Variants in PKD1 observed in about 807,000 individuals in gnomAD.
PKD1 encodes polycystin 1, transient receptor potential channel interacting, also known as polycystin-1.
In PKD1, 81 loss-of-function variants were observed where a neutral mutation model predicts 361.7. That is an observed-to-expected ratio of 0.22 (90% CI 0.19 to 0.27). The LOEUF (loss-of-function observed/expected upper bound fraction) is 0.27. Among genes scored for constraint, PKD1 ranks in the 10% least tolerant of loss-of-function variants. The pLI is 1.00. For synonymous variants in PKD1, 3,615 were observed against 2,818.3 expected (o/e 1.28, Z -8.95); for missense variants, 6,399 against 6,118.3 (o/e 1.05, Z -1.53).
intron 26 of PKD1, among the ~76,000 whole-genome samples, chr16:2,101,658 G>A (rs1365550475): frequency 2.0e-5 from 3 of 152,242 alleles, no homozygotes; most frequent in Admixed American, 6.5e-5. Context: ...ATGCCAGAAG[G>A]GCAATTCCAA....
At position 2,092,161 on chromosome 16, in the gene PKD1, C is replaced by T. The variant is rs867438353; in HGVS notation, c.11297G>A (p.Arg3766Lys). 1 of 1,610,898 alleles carries T rather than the reference C, an allele frequency of 6.2e-7. No homozygotes were observed. Among genetic ancestry groups the T allele is most frequent in the African/African-American group, 1.3e-5 (1 of 74,942 alleles). Residue 3766 changes from arginine (R) to lysine (K), a missense_variant, in exon 40 of 46, where the codon AGG (arginine) becomes AAG (lysine). By Grantham distance (26) the Arg-to-Lys change is conservative. Coordinates refer to ENST00000262304, the MANE Select transcript of PKD1 (RefSeq NM_001009944.3). ...EALYPDPPGP[R>K]VHTCSAAGGF... ...TCCTGCGGCCGAGCACGTGTGGACC[C>T]TGGGGCCGGGAGGGTCTGGGTAGAG...
Position 2,106,394 on chromosome 16 carries a change from T to G in PKD1, c.7489+4A>C. ...CTGCTCCCCCCACGCAGGCCTGCAC[T>G]CACCCGTGCATTCGAAGTGCACCTT... On this transcript the variant is annotated splice_donor_region_variant and intron_variant, in intron 18 of 45. Coordinates refer to ENST00000262304, the MANE Select transcript of PKD1 (RefSeq NM_001009944.3). This position sits in a 1 kb window ranked among gnomAD's most constrained non-coding sequence, Gnocchi z 6.5. The G allele has an allele frequency of 6.3e-7, 1 of 1,591,018 alleles. No individual in the cohort carries two copies.
chr16:2,089,761 C>G lies in PKD1; in HGVS notation c.12878G>C (p.Arg4293Pro), dbSNP rs781282665. Residue 4293 changes from arginine to proline, a missense_variant, in exon 46 of 46, where the codon CGG (arginine) becomes CCG (proline). Coordinates refer to ENST00000262304, the MANE Select transcript of PKD1 (RefSeq NM_001009944.3). ...GCTGGGGTGGACCTTGTTCTTGGCC[C>G]GAAGGGGTGTCCTGCTGGGGCCAGT... is the stretch of plus-strand genomic sequence containing the variant. ...LATGPSRTPLRAKNKVHPSST is the reference protein window; with the variant it reads ...LATGPSRTPLPAKNKVHPSST The G allele has an allele frequency of 2.5e-6, 4 of 1,593,418 alleles. No homozygotes were observed. Among genetic ancestry groups the G allele is most frequent in the Non-Finnish European group, 1.7e-6 (2 of 1,171,704 alleles).
chr16:2,091,403 C>G lies in PKD1; in HGVS notation c.11712+20G>C. Reference sequence around the variant, plus strand: ...ACGCTGCCGGTGGGAGGCGCGGGGTCTGGCCGGGGACGGGCGTACCGAGGT... The same window carrying G: ...ACGCTGCCGGTGGGAGGCGCGGGGTGTGGCCGGGGACGGGCGTACCGAGGT... On this transcript the variant is annotated intron_variant, in intron 42 of 45. Transcript: ENST00000262304. 2 of 1,116,330 alleles carry G rather than the reference C, an allele frequency of 1.8e-6. No homozygotes were observed. Among genetic ancestry groups the G allele is most frequent in the Non-Finnish European group, 2.2e-6 (2 of 913,938 alleles). 69.2% of individuals were successfully genotyped at this position (1,116,330 alleles called of 1,614,324 possible).
In PKD1 at chr16:2,090,974, C is replaced by G. The variant is rs1342973547; in HGVS notation, c.11913G>C (p.Pro3971=). 3 of 1,538,326 alleles carry G rather than the reference C, an allele frequency of 2.0e-6. No individual in the cohort carries two copies. ...RQWTRFVRGR[P]RRFTSFDQVA... is the part of the protein sequence containing the mutation. ...CCTGGTCGAAGCTAGTGAAGCGGCG[C>G]GGGCGGCCGCGCACGAAACGGGTCC... Residue 3971 remains proline, a synonymous_variant, in exon 43 of 46, where the codon CCG becomes CCC. Coordinates refer to ENST00000262304, the MANE Select transcript of PKD1 (RefSeq NM_001009944.3).
At chr16:2,119,437 C>T (rs746357421) in intron 1 of PKD1, 59 bp from the exon 2 acceptor site, 20 of 1,081,794 alleles carry the variant, frequency 1.8e-5, no homozygotes, top group South Asian at 1.3e-5. Flanking sequence ...GAGGCCATCC[C>T]TGGGCCCATC....
In PKD1 at chr16:2,109,511, G is replaced by A. The variant is rs780766334; in HGVS notation, c.5656C>T (p.Pro1886Ser). Residue 1886 changes from proline (P) to serine (S), a missense_variant, in exon 15 of 46, where the codon CCC becomes TCC. Transcript: ENST00000262304. ...SATYNLTAEEPIVGLVLWASS... is the reference protein window; with the variant it reads ...SATYNLTAEESIVGLVLWASS... ...GCCCACAGCACCAGGCCCACGATGG[G>A]CTCCTCCGCCGTGAGGTTGTACGTG... 9 of 1,610,002 alleles carry A rather than the reference G, an allele frequency of 5.6e-6. No individual in the cohort carries two copies. Among genetic ancestry groups the A allele is most frequent in the African/African-American group, 1.3e-5 (1 of 74,870 alleles).
In PKD1 at chr16:2,091,059, G is replaced by A. The variant is rs1290570915; in HGVS notation, c.11828C>T (p.Ala3943Val). 2.0e-6 allele frequency: 3 copies of A among 1,518,066 alleles called. No individual in the cohort carries two copies. The highest frequency in any genetic ancestry group is 2.6e-6 in the Non-Finnish European group (3 of 1,138,566). The allele number at this position is 1,518,066 out of a possible 1,614,324, so 94.0% of individuals were successfully genotyped here. A position where few individuals can be genotyped will look rare whatever the true frequency, so the allele number is the denominator to read the frequency against. Residue 3943 changes from alanine (A) to valine (V), a missense_variant, in exon 43 of 46, where the codon GCG (alanine) becomes GTG (valine). Transcript: ENST00000262304. ...TACCAGTGCCGTGGCCGCCGTCAGCGCCACCAGCAGCCACCGCGCCCAGGC... is the reference window on the plus strand; with the variant it reads ...TACCAGTGCCGTGGCCGCCGTCAGCACCACCAGCAGCCACCGCGCCCAGGC... Reference protein sequence around the residue: ...LGAWARWLLVALTAATALVRL... With the variant: ...LGAWARWLLVVLTAATALVRL...
At chr16:2,113,445 C>T (rs1285323904) in intron 11 of PKD1, 153 bp from the exon 12 acceptor site, 4 of 900,502 alleles carry the variant, frequency 4.4e-6, no homozygotes, top group Non-Finnish European at 7.1e-6. Context: ...GGAGCCAAGC[C>T]CGGGCTGGGA....
Position 2,090,529 on chromosome 16 carries a change from G to C in PKD1, c.12200C>G (p.Pro4067Arg), listed in dbSNP as rs368096637. 3.1e-6 allele frequency: 5 copies of C among 1,610,528 alleles called. No individual in the cohort carries two copies. The South Asian group carries it at 5.5e-5, about 18-fold the overall frequency. Residue 4067 changes from proline (P) to arginine (R), a missense_variant, in exon 45 of 46, where the codon CCT becomes CGT. Coordinates refer to ENST00000262304, the MANE Select transcript of PKD1 (RefSeq NM_001009944.3). ...ACACAGGGTAGAGAGCCCAGTCCCA[G>C]GGCACAGCACCAACAGGGCCTGGGC... The part of the protein sequence containing the change: ...SVAQALLVLC[P>R]GTGLSTLCPA...
chr16:2,114,640 G>A lies in PKD1; in HGVS notation c.2383C>T (p.Arg795Cys), dbSNP rs759566009. Residue 795 changes from arginine to cysteine, a missense_variant, in exon 11 of 46, where the codon CGC (arginine) becomes TGC (cysteine). Arg to Cys is a radical substitution (Grantham distance 180, BLOSUM62 -3). Coordinates refer to ENST00000262304, the MANE Select transcript of PKD1 (RefSeq NM_001009944.3). ...CCCACCTCTGCCCGGACCTCATAGC[G>A]CCCAGGCAGCCGCAGTCCAGGGTTG... is the stretch of plus-strand genomic sequence containing the variant. ...RPNPGLRLPGRYEVRAEVGNG... is the reference protein window; with the variant it reads ...RPNPGLRLPGCYEVRAEVGNG... 7.7e-6 allele frequency: 12 copies of A among 1,561,614 alleles called. 1 individual carries two copies. The highest frequency in any genetic ancestry group is 4.1e-5 in the African/African-American group (3 of 73,942).
Position 2,110,799 on chromosome 16 carries a change from G to A in PKD1, c.4368C>T (p.Asp1456=). Residue 1456 remains aspartate (D), a synonymous_variant, in exon 15 of 46, where the codon GAC becomes GAT. Transcript: ENST00000262304. The part of the protein sequence containing the change: ...TASNNISAAN[D]SALVEVQEPV... Reference sequence around the variant, plus strand: ...GCTCCTGCACCTCCACCAGGGCTGAGTCATTGGCAGCAGAGATGTTGTTGG... The same window carrying A: ...GCTCCTGCACCTCCACCAGGGCTGAATCATTGGCAGCAGAGATGTTGTTGG... 2 of 1,611,394 alleles carry A rather than the reference G, an allele frequency of 1.2e-6. No homozygotes were observed. The highest frequency in any genetic ancestry group is 1.1e-5 in the South Asian group (1 of 91,022).
intron 30 of PKD1, 40 bp downstream of exon 30, chr16:2,099,604 C>T (rs1480379172): frequency 1.9e-6 from 3 of 1,556,620 alleles, no homozygotes; most frequent in Non-Finnish European, 8.6e-7. Flanking sequence ...GAGGCCCAGG[C>T]TCCATTCCCA....
In PKD1 at chr16:2,092,114, C is replaced by A; in HGVS notation, c.11344G>T (p.Asp3782Tyr). Reference sequence around the variant, plus strand: ...TTGTGAGGACTCTCCCAGCCAACGTCGTAATCGCTGGTGCTGAAGCCTCCT... The same window carrying A: ...TTGTGAGGACTCTCCCAGCCAACGTAGTAATCGCTGGTGCTGAAGCCTCCT... Reference protein sequence around the residue: ...AAGGFSTSDYDVGWESPHNGS... With the variant: ...AAGGFSTSDYYVGWESPHNGS... The change falls in exon 40 of 46, where the codon GAC (aspartate) becomes TAC (tyrosine). Residue 3782 changes from aspartate (D) to tyrosine (Y), a missense_variant. Asp to Tyr is a radical substitution (Grantham distance 160, BLOSUM62 -3). Transcript: ENST00000262304. The A allele has an allele frequency of 1.2e-6, 2 of 1,612,898 alleles. No homozygotes were observed. The highest frequency in any genetic ancestry group is 1.7e-6 in the Non-Finnish European group (2 of 1,179,988).
chr16:2,096,512 T>C lies in PKD1; in HGVS notation c.10499+636A>G, dbSNP rs539670599. ...GATAAGTTACAAAACAACCAAGAAA[T>C]TGAGGAATTTTTTTGTTTTTGAGAC... On this transcript the variant is annotated intron_variant, in intron 34 of 45. Transcript: ENST00000262304. Among the ~76,000 whole-genome samples the C allele has an allele frequency of 2.6e-5, 4 of 151,900 alleles. No homozygotes were observed. In the South Asian group the frequency reaches 8.3e-4, roughly 32 times the overall value.
chr16:2,122,421 CT>C (rs956344044), intron 1 of PKD1, among the ~76,000 whole-genome samples: 6 of 152,208 alleles, frequency 3.9e-5, no homozygotes, highest in African/African-American at 1.2e-4. Context: ...CACTTCCCCC[CT>C]AACTGAACCC....
In PKD1 at chr16:2,117,043, C is replaced by T. The variant is rs2855341; in HGVS notation, c.1396G>A (p.Val466Met). The T allele has an allele frequency of 6.3e-7, 1 of 1,578,538 alleles. No individual in the cohort carries two copies. The highest frequency in any genetic ancestry group is 8.6e-7 in the Non-Finnish European group (1 of 1,165,754). ...LVSRVTRSLD[V>M]WIGFSTVQGV... ...TGCACAGTCGAGAAGCCGATCCACA[C>T]GTCTAGGCTCCTGGGGGCGGGTGTG... is the stretch of plus-strand genomic sequence containing the variant. Residue 466 changes from valine (V) to methionine (M), a missense_variant, in exon 7 of 46, where the codon GTG becomes ATG. Transcript: ENST00000262304.
intron 6 of PKD1, 123 bp from the exon 7 acceptor site, chr16:2,117,176 C>A: frequency 1.5e-6 from 1 of 668,926 alleles, no homozygotes; most frequent in Non-Finnish European, 2.6e-6. Flanking sequence ...AGGCTCAGAG[C>A]CCGGAGACCA....
chr16:2,089,553 G>A lies in PKD1; in HGVS notation c.*174C>T. ...GGGAGGGGACCCTGGGTCCTGGTTG[G>A]CCACACAGCCTCTTTAAAGTGCTGA... On this transcript the variant is annotated 3_prime_UTR_variant, in exon 46 of 46. Coordinates refer to ENST00000262304, the MANE Select transcript of PKD1 (RefSeq NM_001009944.3). 1 of 775,310 alleles carries A rather than the reference G, an allele frequency of 1.3e-6. No homozygotes were observed. The highest frequency in any genetic ancestry group is 1.7e-5 in the African/African-American group (1 of 57,982). The allele number at this position is 775,310 out of a possible 1,614,324, so 48.0% of individuals were successfully genotyped here.
Sources: allele counts gnomAD v4.1 joint callset (sites outside exome capture counted in the v4.1 genomes callset), GRCh38; gene constraint gnomAD v4.1.1; non-coding constraint Gnocchi (gnomAD v3.1); transcripts MANE v1.5; gene names NCBI Gene and HGNC (gene_info 2026-07-23, HGNC 2026-07-21).